The following MFSD6 variants were observed in gnomAD, a reference collection of about 807,000 sequenced individuals.
MFSD6 encodes major facilitator superfamily domain-containing protein 6.
In MFSD6, 26 loss-of-function variants were observed where a neutral mutation model predicts 56.3. The observed-to-expected ratio is 0.46, with a 90% confidence interval of 0.34 to 0.64. MFSD6 has a LOEUF of 0.64. Among genes scored for constraint, MFSD6 ranks in the 30% least tolerant of loss-of-function variants. MFSD6 has a pLI of 0.01. For missense variants in MFSD6, 750 were observed against 986.2 expected, an observed-to-expected ratio of 0.76 and a Z score of 3.21; for synonymous variants, 331 against 366.9, an observed-to-expected ratio of 0.90 and a Z score of 1.12.
chr2:190,425,070 A>G lies in MFSD6; in HGVS notation c.-54+9657A>G, dbSNP rs1345973096. 2.0e-5 allele frequency among the ~76,000 whole-genome samples: 3 copies of G among 152,252 alleles called. No homozygotes were observed. In the East Asian group the frequency reaches 5.8e-4, roughly 29 times the overall value. ...GTTTTCAGCATAAGGCCTTGTACAC[A>G]TTTTTTAAATTTATACCCAAGTGTT... On this transcript the variant is annotated intron_variant, in intron 2 of 7. Coordinates refer to ENST00000392328, the MANE Select transcript of MFSD6 (RefSeq NM_017694.4). This position sits in a 1 kb window ranked among gnomAD's most constrained non-coding sequence, Gnocchi z 4.3.
At chr2:190,440,030 T>G (rs897535222) in intron 3 of MFSD6, among the ~76,000 whole-genome samples, 1 of 152,186 alleles carries the variant, frequency 6.6e-6, no homozygotes, top group Admixed American at 6.5e-5. Flanking sequence ...TGAGCCTTGA[T>G]GTGTTGCTTG....
chr2:190,413,368 A>G lies in MFSD6; in HGVS notation c.-175-1924A>G, dbSNP rs1196278139. Among the ~76,000 whole-genome samples the G allele has an allele frequency of 6.6e-6, 1 of 152,122 alleles. No individual in the cohort carries two copies. The highest frequency in any genetic ancestry group is 2.4e-5 in the African/African-American group (1 of 41,408). On this transcript the variant is annotated intron_variant, in intron 1 of 7. Transcript: ENST00000392328. This position sits in a 1 kb window ranked among gnomAD's most constrained non-coding sequence, Gnocchi z 4.1. ...ACCATGTTCAAGAGATGTGGAAAAA[A>G]ATTGAATTAAGGGGGGCAGAGATGT...
Position 190,444,818 on chromosome 2 carries a change from A to G in MFSD6, c.1532+7257A>G, listed in dbSNP as rs1166034827. The G allele has an allele frequency of 6.2e-6, 4 of 645,202 alleles. No individual in the cohort carries two copies. In the African/African-American group the frequency reaches 7.9e-5, roughly 13 times the overall value. 40.0% of individuals were successfully genotyped at this position (645,202 alleles called of 1,614,324 possible). A position where few individuals can be genotyped will look rare whatever the true frequency, so the allele number is the denominator to read the frequency against. On this transcript the variant is annotated intron_variant, in intron 3 of 7. Transcript: ENST00000392328. ...CCATCCTCCATTTCATTCAGAAACAAGTGTTTCATAAAGATAATGTTTTGT... is the reference window on the plus strand; with the variant it reads ...CCATCCTCCATTTCATTCAGAAACAGGTGTTTCATAAAGATAATGTTTTGT...
At position 190,410,984 on chromosome 2, in the gene MFSD6, G is replaced by A. The variant is rs1690536554; in HGVS notation, c.-176+2481G>A. ...GGTAGAGAATTGCTTGAATCCGGGA[G>A]GTGGAGGTTGCAGTGAGCCGAGATC... On this transcript the variant is annotated intron_variant, in intron 1 of 7. Transcript: ENST00000392328. The surrounding 1 kb of genome is among the most constrained non-coding windows in gnomAD (Gnocchi z 4.4). 1 of 235,964 alleles carries A rather than the reference G, an allele frequency of 4.2e-6. No homozygotes were observed. The highest frequency in any genetic ancestry group is 6.9e-6 in the Non-Finnish European group (1 of 145,220). The allele number at this position is 235,964 out of a possible 1,614,324, so 14.6% of individuals were successfully genotyped here. A position where few individuals can be genotyped will look rare whatever the true frequency, so the allele number is the denominator to read the frequency against.
chr2:190,489,798 T>G lies in MFSD6; in HGVS notation c.1823T>G (p.Met608Arg). Residue 608 changes from methionine to arginine, a missense_variant, in exon 6 of 8, where the codon ATG becomes AGG. Met to Arg is a moderately conservative substitution (Grantham distance 91). This residue lies in a region of MFSD6 where 125 missense variants were observed against 223.1 expected (regional missense o/e 0.56). Transcript: ENST00000392328. The surrounding 1 kb of genome is among the most constrained non-coding windows in gnomAD (Gnocchi z 6.6). ...GCTGCAACCTTCCGAGGAATTGGCA[T>G]GGCCTGCTTGGTGATCCTACTGCTC... Reference protein sequence around the residue: ...GAAATFRGIGMACLVILLLFA... With the variant: ...GAAATFRGIGRACLVILLLFA... 6.2e-7 allele frequency: 1 copy of G among 1,614,200 alleles called. No individual in the cohort carries two copies.
rs966683441 is a variant in MFSD6 at position 190,443,616 on chromosome 2, C to G, written c.1532+6055C>G. On this transcript the variant is annotated intron_variant, in intron 3 of 7. Transcript: ENST00000392328. The surrounding 1 kb of genome is among the most constrained non-coding windows in gnomAD (Gnocchi z 4.2). ...ATAACTAACATTCCCCCTTAAACATCTTAGTCAAATTGAAATTTTTCTCCC... is the reference window on the plus strand; with the variant it reads ...ATAACTAACATTCCCCCTTAAACATGTTAGTCAAATTGAAATTTTTCTCCC... 6.6e-6 allele frequency among the ~76,000 whole-genome samples: 1 copy of G among 152,176 alleles called. No homozygotes were observed. Among genetic ancestry groups the G allele is most frequent in the Admixed American group, 6.5e-5 (1 of 15,286 alleles).
Position 190,437,762 on chromosome 2 carries a change from A to G in MFSD6, c.1532+201A>G, listed in dbSNP as rs995958170. Among the ~76,000 whole-genome samples the G allele has an allele frequency of 6.6e-6, 1 of 152,192 alleles. No homozygotes were observed. The highest frequency in any genetic ancestry group is 2.4e-5 in the African/African-American group (1 of 41,438). ...TCATGAACCTGGTTGGATTATCTCA[A>G]ATAAACAAAGAATGGCTTCCTCTGC... On this transcript the variant is annotated intron_variant, in intron 3 of 7. Coordinates refer to ENST00000392328, the MANE Select transcript of MFSD6 (RefSeq NM_017694.4). The surrounding 1 kb of genome is among the most constrained non-coding windows in gnomAD (Gnocchi z 5.9).
chr2:190,419,804 A>G (rs1242436375), intron 2 of MFSD6, among the ~76,000 whole-genome samples: 2 of 152,244 alleles, frequency 1.3e-5, no homozygotes, highest in Non-Finnish European at 2.9e-5. Context: ...TGCTATTTGA[A>G]TGACTCAGTG....
intron 3 of MFSD6, among the ~76,000 whole-genome samples, chr2:190,448,479 G>C (rs1318212369): frequency 6.6e-6 from 1 of 152,090 alleles, no homozygotes; most frequent in African/African-American, 2.4e-5. Flanking sequence ...TTAATGCAGG[G>C]GTTAAAAGAA....
In MFSD6 at chr2:190,458,694, A is replaced by G. The variant is rs1687167939; in HGVS notation, c.1533-11064A>G. Reference sequence around the variant, plus strand: ...CCAAAGGCAGTGGAGGTCACTTGAGACTCTTTCAGTGAAAGTGGCAAAAAT... The same window carrying G: ...CCAAAGGCAGTGGAGGTCACTTGAGGCTCTTTCAGTGAAAGTGGCAAAAAT... On this transcript the variant is annotated intron_variant, in intron 3 of 7. Coordinates refer to ENST00000392328, the MANE Select transcript of MFSD6 (RefSeq NM_017694.4). The surrounding 1 kb of genome is among the most constrained non-coding windows in gnomAD (Gnocchi z 5.3). Among the ~76,000 whole-genome samples, 2 of 152,028 alleles carry G rather than the reference A, an allele frequency of 1.3e-5. No individual in the cohort carries two copies. The highest frequency in any genetic ancestry group is 4.1e-4 in the South Asian group (2 of 4,820).
intron 2 of MFSD6, among the ~76,000 whole-genome samples, chr2:190,430,797 C>T (rs1300240818): frequency 6.5e-5 from 5 of 77,394 alleles, no homozygotes; most frequent in African/African-American, 1.3e-4. Flanking sequence ...CGGGCAGAGG[C>T]GCCCCCCCCA....
At chr2:190,466,660 G>A (rs554830452) in intron 3 of MFSD6, among the ~76,000 whole-genome samples, 2 of 152,286 alleles carry the variant, frequency 1.3e-5, no homozygotes, top group East Asian at 3.9e-4. Context: ...CAGAATACAT[G>A]TTTTTATCCC....
At position 190,436,173 on chromosome 2, in the gene MFSD6, T is replaced by C. The variant is rs1183109132; in HGVS notation, c.144T>C (p.Ala48=). The stretch of plus-strand genomic sequence containing the variant: ...CACCTTCCTCCACAGAAACATCTGC[T>C]ATTCCTGAGGAGGAAATAGACTGGA... ...NETPSSTETS[A]IPEEEIDWIE... is the part of the protein sequence containing the mutation. The change falls in exon 3 of 8, where the codon GCT becomes GCC. Residue 48 remains alanine (A), a synonymous_variant. Transcript: ENST00000392328. The surrounding 1 kb of genome is among the most constrained non-coding windows in gnomAD (Gnocchi z 5.3). 5.0e-6 allele frequency: 8 copies of C among 1,614,068 alleles called. No individual in the cohort carries two copies. The East Asian group carries it at 1.6e-4, about 31-fold the overall frequency.
chr2:190,438,519 AAAG>A lies in MFSD6; in HGVS notation c.1532+960_1532+962del, dbSNP rs1255993309. ...CAACAGAGTGAGACTCCATCTAAAA[AAAG>A]AGAACACCCTGTAAGTGCCTAGTGT... is the stretch of plus-strand genomic sequence containing the variant. On this transcript the variant is annotated intron_variant, in intron 3 of 7. Coordinates refer to ENST00000392328, the MANE Select transcript of MFSD6 (RefSeq NM_017694.4). This position sits in a 1 kb window ranked among gnomAD's most constrained non-coding sequence, Gnocchi z 5.2. Among the ~76,000 whole-genome samples, 13 of 152,334 alleles carry A rather than the reference AAAG, an allele frequency of 8.5e-5. No individual in the cohort carries two copies. The highest frequency in any genetic ancestry group is 2.9e-4 in the African/African-American group (12 of 41,582).
intron 4 of MFSD6, among the ~76,000 whole-genome samples, chr2:190,486,667 G>C (rs1689027632): frequency 6.6e-6 from 1 of 152,152 alleles, no homozygotes; most frequent in African/African-American, 2.4e-5. Context: ...TTTAGTCCCT[G>C]TTATTCCATT....
chr2:190,476,515 T>TA (rs1688324999), intron 4 of MFSD6, among the ~76,000 whole-genome samples: 1 of 152,114 alleles, frequency 6.6e-6, no homozygotes, highest in Admixed American at 6.6e-5. Flanking sequence ...TACCATCTCA[T>TA]ACCAATTAGA....
At chr2:190,449,803 G>A (rs1686709820) in intron 3 of MFSD6, among the ~76,000 whole-genome samples, 1 of 151,748 alleles carries the variant, frequency 6.6e-6, no homozygotes, top group Admixed American at 6.6e-5. Context: ...TCATAGGTGG[G>A]AACTGAACAA....
Position 190,443,425 on chromosome 2 carries a change from A to G in MFSD6, c.1532+5864A>G, listed in dbSNP as rs1686456687. ...CAATTGCTTCAACAATGACCAGCAT[A>G]GATTAGGAGTTCAGCTTATTTTACT... On this transcript the variant is annotated intron_variant, in intron 3 of 7. Coordinates refer to ENST00000392328, the MANE Select transcript of MFSD6 (RefSeq NM_017694.4). The surrounding 1 kb of genome is among the most constrained non-coding windows in gnomAD (Gnocchi z 4.2). Among the ~76,000 whole-genome samples, 1 of 152,218 alleles carries G rather than the reference A, an allele frequency of 6.6e-6. No individual in the cohort carries two copies. Among genetic ancestry groups the G allele is most frequent in the African/African-American group, 2.4e-5 (1 of 41,446 alleles).
chr2:190,428,845 TTA>T (rs1306762784), intron 2 of MFSD6, among the ~76,000 whole-genome samples: 2 of 151,736 alleles, frequency 1.3e-5, no homozygotes, highest in Non-Finnish European at 1.5e-5. Flanking sequence ...GCTAATTTTT[TTA>T]GTTTTAATAG....
Sources: allele counts gnomAD v4.1 joint callset (sites outside exome capture counted in the v4.1 genomes callset), GRCh38; gene constraint gnomAD v4.1.1; regional missense constraint gnomAD v4.1.1; non-coding constraint Gnocchi (gnomAD v3.1); transcripts MANE v1.5; gene names NCBI Gene and HGNC (gene_info 2026-07-23, HGNC 2026-07-21).